Variants in LHFPL2 observed in about 807,000 individuals in gnomAD.
LHFPL2 encodes the protein LHFPL tetraspan subfamily member 2.
A neutral mutation model predicts 17.5 loss-of-function variants in LHFPL2; 7 were observed. That is an observed-to-expected ratio of 0.40 (90% confidence interval 0.23 to 0.75). The LOEUF (loss-of-function observed/expected upper bound fraction) is 0.75, where lower values mean the gene tolerates loss of function less well. Among genes scored for constraint, LHFPL2 ranks in the 30% least tolerant of loss-of-function variants. The pLI is 0.37. For synonymous variants in LHFPL2, 134 were observed against 116.2 expected, an observed-to-expected ratio of 1.15 and a Z score of -0.99; for missense variants, 241 against 294.8, an observed-to-expected ratio of 0.82 and a Z score of 1.34.
intron 2 of LHFPL2, among the ~76,000 whole-genome samples, chr5:78,628,251 C>G (rs1745120391): frequency 6.6e-6 from 1 of 152,196 alleles, no homozygotes; most frequent in South Asian, 2.1e-4. Flanking sequence ...CAGTAACAAC[C>G]ACAAAATTAG....
At chr5:78,505,861 G>A (rs1318156668) in intron 4 of LHFPL2, among the ~76,000 whole-genome samples, 1 of 152,216 alleles carries the variant, frequency 6.6e-6, no homozygotes, top group African/African-American at 2.4e-5. Flanking sequence ...CCTCAGAACA[G>A]TCCTGAGGTA....
At chr5:78,618,381 G>A (rs913569857) in intron 2 of LHFPL2, among the ~76,000 whole-genome samples, 10 of 152,188 alleles carry the variant, frequency 6.6e-5, no homozygotes, top group African/African-American at 2.4e-4. Context: ...AGGAGCAGCT[G>A]GGAGGTGCTT....
intron 2 of LHFPL2, among the ~76,000 whole-genome samples, chr5:78,614,564 C>T (rs1434522205): frequency 1.3e-5 from 2 of 152,150 alleles, no homozygotes; most frequent in Admixed American, 1.3e-4. Flanking sequence ...CAGACTCTAC[C>T]CATTTTATTG....
intron 2 of LHFPL2, among the ~76,000 whole-genome samples, chr5:78,567,482 T>C (rs1756888764): frequency 6.6e-6 from 1 of 152,234 alleles, no homozygotes; most frequent in Admixed American, 6.5e-5. Flanking sequence ...CATTGTTCTA[T>C]GTATTAGAAC....
chr5:78,550,061 T>C lies in LHFPL2; in HGVS notation c.-186+14752A>G, dbSNP rs570192044. Among the ~76,000 whole-genome samples the C allele has an allele frequency of 3.0e-3, 460 of 152,338 alleles. 3 individuals carry two copies. The highest frequency in any genetic ancestry group is 0.01 in the African/African-American group (433 of 41,578). On this transcript the variant is annotated intron_variant, in intron 3 of 4. Coordinates refer to ENST00000380345, the MANE Select transcript of LHFPL2 (RefSeq NM_005779.3). The stretch of plus-strand genomic sequence containing the variant: ...AATGTTACAATTCACTCTGAATAAA[T>C]TCCACGTTTGAAATTCAATAACAAT...
intron 3 of LHFPL2, among the ~76,000 whole-genome samples, chr5:78,531,669 C>G (rs566289288): frequency 1.3e-5 from 2 of 152,072 alleles, no homozygotes; most frequent in African/African-American, 4.8e-5. Flanking sequence ...GCAATGGGCC[C>G]GGCTCAAAAG....
At position 78,486,544 on chromosome 5, in the gene LHFPL2, T is replaced by G. The variant is rs1265825133; in HGVS notation, c.*2353A>C. 6.6e-6 allele frequency: 1 copy of G among 152,246 alleles called. No homozygotes were observed. The highest frequency in any genetic ancestry group is 1.5e-5 in the Non-Finnish European group (1 of 68,050). The allele number at this position is 152,246 out of a possible 1,614,324, so 9.4% of individuals were successfully genotyped here. A position where few individuals can be genotyped will look rare whatever the true frequency, so the allele number is the denominator to read the frequency against. On this transcript the variant is annotated 3_prime_UTR_variant, in exon 5 of 5. Coordinates refer to ENST00000380345, the MANE Select transcript of LHFPL2 (RefSeq NM_005779.3). ...TTTCATCCCAAGCCTGGCTAATGGA[T>G]TCAAGGTTTAAAAGTCCCAACATTA...
intron 2 of LHFPL2, among the ~76,000 whole-genome samples, chr5:78,593,201 C>T (rs983856811): frequency 3.3e-5 from 5 of 152,156 alleles, no homozygotes; most frequent in Admixed American, 2.0e-4. Flanking sequence ...GTGCTTTTCC[C>T]GGGGAGCAGA....
chr5:78,554,907 C>T (rs1165313382), intron 3 of LHFPL2, among the ~76,000 whole-genome samples: 1 of 152,138 alleles, frequency 6.6e-6, no homozygotes, highest in Non-Finnish European at 1.5e-5. Flanking sequence ...AAAAACTTAC[C>T]CCTGGGGAAG....
At chr5:78,564,932 T>C (rs943783490) in intron 2 of LHFPL2, 61 bp from the exon 3 acceptor site, 5 of 152,156 alleles carry the variant, frequency 3.3e-5, no homozygotes, top group African/African-American at 1.2e-4. Flanking sequence ...AAAGAAGACT[T>C]AGCATGCAAT....
rs1754214143 is a variant in LHFPL2, at chr5:78,485,685, T to C, written c.*3212A>G. ...AAATACTGGTCTAGCATTAGCATGGTCTATAAAAGCATGTTAAGAAATAGC... is the reference window on the plus strand; with the variant it reads ...AAATACTGGTCTAGCATTAGCATGGCCTATAAAAGCATGTTAAGAAATAGC... On this transcript the variant is annotated 3_prime_UTR_variant, in exon 5 of 5. Transcript: ENST00000380345. The C allele has an allele frequency of 6.6e-6, 1 of 152,602 alleles. No homozygotes were observed. The highest frequency in any genetic ancestry group is 2.4e-5 in the African/African-American group (1 of 41,430). The allele number at this position is 152,602 out of a possible 1,614,324, so 9.5% of individuals were successfully genotyped here. A position where few individuals can be genotyped will look rare whatever the true frequency, so the allele number is the denominator to read the frequency against.
At chr5:78,645,591 C>T (rs867291121) in intron 1 of LHFPL2, among the ~76,000 whole-genome samples, 1,825 of 126,658 alleles carry the variant, frequency 0.014, 42 homozygotes, top group African/African-American at 0.051. Context: ...CACACACACA[C>T]ATTTTTTTTG....
chr5:78,519,421 T>C (rs1298068996), intron 3 of LHFPL2, among the ~76,000 whole-genome samples: 1 of 152,192 alleles, frequency 6.6e-6, no homozygotes, highest in Non-Finnish European at 1.5e-5. Context: ...AATCTGCCTC[T>C]GGGGCGGGAT....
intron 2 of LHFPL2, among the ~76,000 whole-genome samples, chr5:78,607,964 G>A (rs1744286698): frequency 6.6e-6 from 1 of 152,168 alleles, no homozygotes; most frequent in Middle Eastern, 3.2e-3. Context: ...TTTTTAAGAA[G>A]ATATGTGATA....
intron 2 of LHFPL2, among the ~76,000 whole-genome samples, chr5:78,619,164 T>C (rs1056131418): frequency 3.3e-5 from 5 of 152,206 alleles, no homozygotes; most frequent in African/African-American, 1.2e-4. Context: ...TAGCTGGGAC[T>C]AGAAGTGTGT....
chr5:78,552,186 T>G (rs1756463179), intron 3 of LHFPL2, among the ~76,000 whole-genome samples: 1 of 150,572 alleles, frequency 6.6e-6, no homozygotes, highest in Non-Finnish European at 1.5e-5. Context: ...CAGGCTGGAG[T>G]GCAGTGGCGC....
chr5:78,576,852 G>A (rs1002645037), intron 2 of LHFPL2, among the ~76,000 whole-genome samples: 24 of 152,172 alleles, frequency 1.6e-4, no homozygotes, highest in African/African-American at 9.7e-5. Flanking sequence ...TTTTTAAAGT[G>A]AAATAGCTTC....
In LHFPL2 at chr5:78,487,473, A is replaced by C. The variant is rs1055238060; in HGVS notation, c.*1424T>G. ...ATACCTACACTTTTTCTCCTTCCAGAAATCTGGCAGTTCCATCTCACTTTC... is the reference window on the plus strand; with the variant it reads ...ATACCTACACTTTTTCTCCTTCCAGCAATCTGGCAGTTCCATCTCACTTTC... On this transcript the variant is annotated 3_prime_UTR_variant, in exon 5 of 5. Transcript: ENST00000380345. 1 of 152,214 alleles carries C rather than the reference A, an allele frequency of 6.6e-6. No homozygotes were observed. The highest frequency in any genetic ancestry group is 1.5e-5 in the Non-Finnish European group (1 of 68,046). 9.4% of individuals were successfully genotyped at this position (152,214 alleles called of 1,614,324 possible).
intron 3 of LHFPL2, chr5:78,549,043 T>G (rs1332444600): frequency 6.6e-6 from 1 of 152,208 alleles, no homozygotes; most frequent in Non-Finnish European, 1.5e-5. Flanking sequence ...TTTCTCACAA[T>G]CCCAGGGTTC....
Sources: allele counts gnomAD v4.1 joint callset (sites outside exome capture counted in the v4.1 genomes callset), GRCh38; gene constraint gnomAD v4.1.1; transcripts MANE v1.5; gene names NCBI Gene and HGNC (gene_info 2026-07-23, HGNC 2026-07-21).